The following BABAM1 variants were observed in gnomAD, a reference collection of about 807,000 sequenced individuals.
The protein encoded by BABAM1 is BRISC and BRCA1 A complex member 1.
Under a neutral mutation model 34.4 loss-of-function variants are expected in BABAM1, and 14 were observed. That is an observed-to-expected ratio of 0.41 (90% CI 0.27 to 0.64). The LOEUF is 0.64. Ranked by LOEUF, BABAM1 falls within the 30% of genes least tolerant of loss-of-function variation. BABAM1 has a pLI of 0.34. For synonymous variants in BABAM1, 169 were observed against 165.8 expected (o/e 1.02, Z -0.15); for missense variants, 393 against 434.0 (o/e 0.91, Z 0.84).
intron 1 of BABAM1, 185 bp from the exon 2 acceptor site, chr19:17,268,609 A>C (rs1219485673): frequency 3.6e-6 from 2 of 561,750 alleles, no homozygotes; most frequent in Non-Finnish European, 6.0e-6. Context: ...TTGTATTTTT[A>C]GTTGAGACGG....
rs915229388 is a variant in BABAM1 at position 17,268,686 on chromosome 19, C to T, written c.-13-108C>T. 7.8e-6 allele frequency: 10 copies of T among 1,281,458 alleles called. No homozygotes were observed. The Admixed American group carries it at 2.3e-4, about 30-fold the overall frequency. The allele number at this position is 1,281,458 out of a possible 1,614,324, so 79.4% of individuals were successfully genotyped here. On this transcript the variant is annotated intron_variant, in intron 1 of 8. Coordinates refer to ENST00000598188, the MANE Select transcript of BABAM1 (RefSeq NM_014173.4). ...TCAGGTGATCCACCTGCCTCGGCCT[C>T]CCAAAGTGCTGGGATTACAGGCATG...
chr19:17,272,428 C>T (rs1396969276), intron 3 of BABAM1, among the ~76,000 whole-genome samples: 9 of 148,054 alleles, frequency 6.1e-5, no homozygotes, highest in Non-Finnish European at 9.0e-5. Context: ...TTTTTTGAGA[C>T]GGAGTCTCGC....
Position 17,278,967 on chromosome 19 carries a change from G to A in BABAM1, c.909G>A (p.Leu303=), listed in dbSNP as rs775710808. 12 of 1,612,804 alleles carry A rather than the reference G, an allele frequency of 7.4e-6. No homozygotes were observed. The highest frequency in any genetic ancestry group is 1.1e-5 in the South Asian group (1 of 90,798). ...NCMAKLLAHP[L]QRPCQSHASY... ...TGGCGAAACTGTTGGCCCACCCCCTGCAGCGGCCTTGCCAGAGCCATGCTT... is the reference window on the plus strand; with the variant it reads ...TGGCGAAACTGTTGGCCCACCCCCTACAGCGGCCTTGCCAGAGCCATGCTT... The change falls in exon 9 of 9, where the codon CTG becomes CTA. Residue 303 remains leucine (L), a synonymous_variant. Transcript: ENST00000598188.
At position 17,268,831 on chromosome 19, in the gene BABAM1, C is replaced by G. The variant is rs1480581911; in HGVS notation, c.25C>G (p.Pro9Ala). 1.2e-6 allele frequency: 2 copies of G among 1,609,042 alleles called. No homozygotes were observed. The highest frequency in any genetic ancestry group is 1.7e-6 in the Non-Finnish European group (2 of 1,177,206). ...CATGGAAGTGGCAGAGCCCAGCAGC[C>G]CCACTGAAGAGGAGGAGGAGGAAGA... MEVAEPSS[P>A]TEEEEEEEEH... Residue 9 changes from proline to alanine, a missense_variant, in exon 2 of 9, where the codon CCC becomes GCC. Transcript: ENST00000598188.
Position 17,270,837 on chromosome 19 carries a change from G to A in BABAM1, c.286-760G>A, listed in dbSNP as rs551663412. On this transcript the variant is annotated intron_variant, in intron 2 of 8. Coordinates refer to ENST00000598188, the MANE Select transcript of BABAM1 (RefSeq NM_014173.4). ...CAAGTAGCTGGGACTACAGGCGCCCGCCACCACGCCTGGCTAATTTTTTTG... is the reference window on the plus strand; with the variant it reads ...CAAGTAGCTGGGACTACAGGCGCCCACCACCACGCCTGGCTAATTTTTTTG... Among the ~76,000 whole-genome samples, 14 of 151,956 alleles carry A rather than the reference G, an allele frequency of 9.2e-5. No individual in the cohort carries two copies. In the East Asian group the frequency reaches 9.7e-4, roughly 11 times the overall value.
chr19:17,276,368 G>A (rs563762409), intron 6 of BABAM1, 127 bp from the exon 7 acceptor site: 74 of 1,421,414 alleles, frequency 5.2e-5, no homozygotes, highest in Non-Finnish European at 6.9e-5. Context: ...CTCACAGGCA[G>A]CAGTGAACTT....
chr19:17,269,071 G>A lies in BABAM1; in HGVS notation c.265G>A (p.Val89Ile). The A allele has an allele frequency of 1.2e-6, 2 of 1,607,652 alleles. No homozygotes were observed. The highest frequency in any genetic ancestry group is 4.5e-5 in the East Asian group (2 of 44,756). ...APEVQIRTPR[V>I]NCPEKVIICL... Reference sequence around the variant, plus strand: ...TGAGGTCCAAATTCGGACACCAAGGGTCAACTGTCCAGAGAAAGTGGTAAG... The same window carrying A: ...TGAGGTCCAAATTCGGACACCAAGGATCAACTGTCCAGAGAAAGTGGTAAG... The change falls in exon 2 of 9, where the codon GTC becomes ATC. Residue 89 changes from valine (V) to isoleucine (I), a missense_variant. Coordinates refer to ENST00000598188, the MANE Select transcript of BABAM1 (RefSeq NM_014173.4).
Position 17,271,795 on chromosome 19 carries a change from A to G in BABAM1, c.344+140A>G, listed in dbSNP as rs1008332082. On this transcript the variant is annotated intron_variant, in intron 3 of 8. Transcript: ENST00000598188. The stretch of plus-strand genomic sequence containing the variant: ...GCAGTATCAGAGATTAGCAAGAGCC[A>G]GGTGCAGTGGCTCATGCCTGTAATC... 33 of 926,490 alleles carry G rather than the reference A, an allele frequency of 3.6e-5. 1 individual carries two copies. Among genetic ancestry groups the G allele is most frequent in the Admixed American group, 2.3e-5 (1 of 43,974 alleles). 57.4% of individuals were successfully genotyped at this position (926,490 alleles called of 1,614,324 possible).
chr19:17,279,123 C>T lies in BABAM1; in HGVS notation c.*75C>T, dbSNP rs544322265. ...AAGCCTTGGTTCTCAAACTGGGTTC[C>T]TTGGGACCTCCGGGGTGGGGGGGTT... On this transcript the variant is annotated 3_prime_UTR_variant, in exon 9 of 9. Coordinates refer to ENST00000598188, the MANE Select transcript of BABAM1 (RefSeq NM_014173.4). The T allele has an allele frequency of 2.0e-5, 30 of 1,482,052 alleles. 2 individuals are homozygous for T. The South Asian group carries it at 2.8e-4, about 14-fold the overall frequency. The allele number at this position is 1,482,052 out of a possible 1,614,324, so 91.8% of individuals were successfully genotyped here. A position where few individuals can be genotyped will look rare whatever the true frequency, so the allele number is the denominator to read the frequency against.
chr19:17,278,862 G>A lies in BABAM1; in HGVS notation c.804G>A (p.Met268Ile). 1 of 1,612,982 alleles carries A rather than the reference G, an allele frequency of 6.2e-7. No individual in the cohort carries two copies. The highest frequency in any genetic ancestry group is 8.5e-7 in the Non-Finnish European group (1 of 1,179,594). Residue 268 changes from methionine (M) to isoleucine (I), a missense_variant, in exon 9 of 9, where the codon ATG becomes ATA. Physicochemically the swap from Met to Ile is conservative, Grantham distance 10. Coordinates refer to ENST00000598188, the MANE Select transcript of BABAM1 (RefSeq NM_014173.4). ...CCCGGCAGGATATGTTTGCCTTCAT[G>A]GGCAGCCTGGATACCAAGGGTACCA... ...EMSWKDMFAF[M>I]GSLDTKGTSY...
intron 2 of BABAM1, among the ~76,000 whole-genome samples, chr19:17,270,855 T>C (rs1359855875): frequency 6.6e-6 from 1 of 151,370 alleles, no homozygotes; most frequent in Non-Finnish European, 1.5e-5. Flanking sequence ...GCCTGGCTAA[T>C]TTTTTTGTAT....
intron 6 of BABAM1, 31 bp from the exon 7 acceptor site, chr19:17,276,464 C>T (rs372034767): frequency 2.5e-6 from 4 of 1,575,362 alleles, no homozygotes; most frequent in Non-Finnish European, 3.4e-6. Context: ...CCACAGGCTG[C>T]TCTGACTGCT....
intron 2 of BABAM1, 48 bp from the exon 3 acceptor site, chr19:17,271,549 C>A: frequency 6.3e-7 from 1 of 1,598,306 alleles, no homozygotes; most frequent in African/African-American, 1.3e-5. Flanking sequence ...GGTGTGGGGG[C>A]CAACGTTAAG....
intron 8 of BABAM1, 37 bp from the exon 9 acceptor site, chr19:17,278,808 C>T: frequency 1.3e-6 from 2 of 1,577,524 alleles, no homozygotes; most frequent in Non-Finnish European, 1.7e-6. Context: ...TAACCTCTGC[C>T]TGAACAGCCC....
At chr19:17,276,753 G>A (rs1221114001) in intron 7 of BABAM1, 70 bp from the exon 8 acceptor site, 1 of 1,557,380 alleles carries the variant, frequency 6.4e-7, no homozygotes, top group Non-Finnish European at 8.7e-7. Flanking sequence ...GGCAGAAATG[G>A]GGGAGCTATA....
intron 3 of BABAM1, among the ~76,000 whole-genome samples, chr19:17,272,262 G>A (rs967626446): frequency 6.6e-6 from 1 of 151,952 alleles, no homozygotes; most frequent in African/African-American, 2.4e-5. Flanking sequence ...AAAAATTAGC[G>A]AGCATGGTGG....
In BABAM1 at chr19:17,271,566, G is replaced by A. The variant is rs375784850; in HGVS notation, c.286-31G>A. 4 of 1,611,378 alleles carry A rather than the reference G, an allele frequency of 2.5e-6. No individual in the cohort carries two copies. In the African/African-American group the frequency reaches 5.3e-5, roughly 22 times the overall value. Reference sequence around the variant, plus strand: ...TGTGGGGGCCAACGTTAAGGTCAGAGGACGCTCACCACCCTCCAACTACCT... The same window carrying A: ...TGTGGGGGCCAACGTTAAGGTCAGAAGACGCTCACCACCCTCCAACTACCT... On this transcript the variant is annotated intron_variant, in intron 2 of 8. Coordinates refer to ENST00000598188, the MANE Select transcript of BABAM1 (RefSeq NM_014173.4).
rs2073942647 is a variant in BABAM1 at position 17,278,851 on chromosome 19, T to A, written c.793T>A (p.Phe265Ile). Residue 265 changes from phenylalanine to isoleucine, a missense_variant, in exon 9 of 9, where the codon TTT becomes ATT. Phe to Ile is a conservative substitution (Grantham distance 21). Coordinates refer to ENST00000598188, the MANE Select transcript of BABAM1 (RefSeq NM_014173.4). ...KEEEMSWKDM[F>I]AFMGSLDTKG... ...ACCCCCGCCTCCCCGGCAGGATATGTTTGCCTTCATGGGCAGCCTGGATAC... is the reference window on the plus strand; with the variant it reads ...ACCCCCGCCTCCCCGGCAGGATATGATTGCCTTCATGGGCAGCCTGGATAC... 6.2e-7 allele frequency: 1 copy of A among 1,612,342 alleles called. No homozygotes were observed. Among genetic ancestry groups the A allele is most frequent in the Non-Finnish European group, 8.5e-7 (1 of 1,179,384 alleles).
chr19:17,278,311 ACT>A (rs202051194), intron 8 of BABAM1, among the ~76,000 whole-genome samples: 11,173 of 148,858 alleles, frequency 0.075, 512 homozygotes, highest in Non-Finnish European at 0.1. Context: ...CACACTGGGG[ACT>A]CTTTTTTTTT....
Sources: allele counts gnomAD v4.1 joint callset (sites outside exome capture counted in the v4.1 genomes callset), GRCh38; gene constraint gnomAD v4.1.1; transcripts MANE v1.5; gene names NCBI Gene and HGNC (gene_info 2026-07-23, HGNC 2026-07-21).